Variants in KIF27 observed in about 807,000 individuals in gnomAD.
KIF27 encodes kinesin family member 27.
In KIF27, 84 loss-of-function variants were observed where a neutral mutation model predicts 141.8. The observed-to-expected ratio is 0.59, with a 90% CI of 0.50 to 0.71. The LOEUF (loss-of-function observed/expected upper bound fraction) is 0.71. KIF27 is among the 30% of genes least tolerant of loss of function. KIF27 has a pLI of 0.00. For synonymous variants in KIF27, 471 were observed against 569.5 expected (o/e 0.83, Z 2.46); for missense variants, 1,306 against 1,628.4 (o/e 0.80, Z 3.41).
At chr9:83,916,207 A>G (rs1209710487) in intron 1 of KIF27, among the ~76,000 whole-genome samples, 1 of 151,812 alleles carries the variant, frequency 6.6e-6, no homozygotes, top group African/African-American at 2.4e-5. Flanking sequence ...TAATTTTTGT[A>G]TTTTTAGTAG....
intron 13 of KIF27, among the ~76,000 whole-genome samples, chr9:83,860,862 C>T (rs2780158): frequency 6.6e-6 from 1 of 150,998 alleles, no homozygotes; most frequent in Non-Finnish European, 1.5e-5. Flanking sequence ...TAGTAGTTTC[C>T]CTGGATAGGC....
At position 83,867,760 on chromosome 9, in the gene KIF27, T is replaced by C; in HGVS notation, c.2858A>G (p.Glu953Gly). The C allele has an allele frequency of 6.2e-7, 1 of 1,613,578 alleles. No homozygotes were observed. The highest frequency in any genetic ancestry group is 1.3e-5 in the African/African-American group (1 of 75,016). The stretch of plus-strand genomic sequence containing the variant: ...AGCCTCCTTCTTAGAAACTATGGCC[T>C]CCCGTTTCTTTAAGTCTGCTTCCAG... The part of the protein sequence containing the change: ...EELEADLKKR[E>G]AIVSKKEALL... The change falls in exon 13 of 18, where the codon GAG (glutamate) becomes GGG (glycine). Residue 953 changes from glutamate (E) to glycine (G), a missense_variant. By Grantham distance (98) the Glu-to-Gly change is moderately conservative. Coordinates refer to ENST00000297814, the MANE Select transcript of KIF27 (RefSeq NM_017576.4).
In KIF27 at chr9:83,903,462, C is replaced by T. The variant is rs777838110; in HGVS notation, c.1056G>A (p.Glu352=). The T allele has an allele frequency of 5.0e-6, 8 of 1,614,146 alleles. No homozygotes were observed. In the South Asian group the frequency reaches 6.6e-5, roughly 13 times the overall value. The stretch of plus-strand genomic sequence containing the variant: ...ATTCCATTTCATCTATACGGTCTGA[C>T]TCGGGGCTGAAGTTTACAGTGGGTT... ...RNKPTVNFSP[E]SDRIDEMEFE... is the part of the protein sequence containing the mutation. Residue 352 remains glutamate, a synonymous_variant, in exon 4 of 18, where the codon GAG becomes GAA. Transcript: ENST00000297814.
chr9:83,852,053 G>A (rs295273), intron 15 of KIF27, among the ~76,000 whole-genome samples: 48,573 of 151,466 alleles, frequency 0.32, 8,590 homozygotes, highest in African/African-American at 0.48. Flanking sequence ...GCTTGAACCC[G>A]GGGGGCGGAG....
At position 83,837,401 on chromosome 9, in the gene KIF27, C is replaced by T. The variant is rs771248074; in HGVS notation, c.3806G>A (p.Ser1269Asn). 4.3e-6 allele frequency: 7 copies of T among 1,612,404 alleles called. No individual in the cohort carries two copies. The highest frequency in any genetic ancestry group is 5.9e-6 in the Non-Finnish European group (7 of 1,178,846). The change falls in exon 18 of 18, where the codon AGT (serine) becomes AAT (asparagine). Residue 1269 changes from serine (S) to asparagine (N), a missense_variant. Physicochemically the swap from Ser to Asn is conservative, Grantham distance 46. This residue lies in a region of KIF27 where 148 missense variants were observed against 250.9 expected (regional missense o/e 0.59). Transcript: ENST00000297814. ...EELKWASRPE[S>N]MKLSGREREM... ...TCTTTCTCTTCCACTTAATTTCATA[C>T]TTTCAGGTCTGGATGCCCATTTTAA... is the stretch of plus-strand genomic sequence containing the variant.
intron 14 of KIF27, among the ~76,000 whole-genome samples, chr9:83,854,533 C>T (rs570043774): frequency 1.5e-4 from 23 of 152,222 alleles, no homozygotes; most frequent in Admixed American, 7.2e-4. Context: ...ATCGATGAAT[C>T]CCTGTAGGAA....
At chr9:83,916,958 C>T (rs1052969236) in intron 1 of KIF27, among the ~76,000 whole-genome samples, 2 of 151,690 alleles carry the variant, frequency 1.3e-5, no homozygotes, top group Admixed American at 6.6e-5. Flanking sequence ...CCACCGCGCA[C>T]GACAGAACAC....
chr9:83,898,368 A>G (rs931902930), intron 5 of KIF27, among the ~76,000 whole-genome samples: 25 of 152,372 alleles, frequency 1.6e-4, no homozygotes, highest in African/African-American at 6.0e-4. Context: ...AATAAGCTAT[A>G]CTGAATAAAT....
At chr9:83,850,833 T>TA (rs1948484515) in intron 15 of KIF27, among the ~76,000 whole-genome samples, 1 of 105,546 alleles carries the variant, frequency 9.5e-6, no homozygotes, top group African/African-American at 4.1e-5. Context: ...ACATTTTCTT[T>TA]TTTTTTTTTT....
chr9:83,886,302 C>A (rs1168548706), intron 9 of KIF27, among the ~76,000 whole-genome samples: 1 of 151,926 alleles, frequency 6.6e-6, no homozygotes, highest in Non-Finnish European at 1.5e-5. Context: ...CCTGGTATAC[C>A]CAACGTGGTT....
At chr9:83,838,561 A>G (rs1033655332) in intron 17 of KIF27, among the ~76,000 whole-genome samples, 3 of 152,172 alleles carry the variant, frequency 2.0e-5, no homozygotes, top group Non-Finnish European at 2.9e-5. Context: ...AAGTTTTAAA[A>G]CACAGGTTGC....
intron 1 of KIF27, among the ~76,000 whole-genome samples, chr9:83,917,383 G>C (rs1463207071): frequency 1.3e-5 from 2 of 152,200 alleles, no homozygotes; most frequent in African/African-American, 4.8e-5. Context: ...TAATATGTCA[G>C]TATTCCCCAA....
chr9:83,842,344 T>G lies in KIF27; in HGVS notation c.3614A>C (p.Gln1205Pro), dbSNP rs757343170. 1 of 1,555,522 alleles carries G rather than the reference T, an allele frequency of 6.4e-7. No individual in the cohort carries two copies. Residue 1205 changes from glutamine to proline, a missense_variant, in exon 17 of 18, where the codon CAG (glutamine) becomes CCG (proline). Physicochemically the swap from Gln to Pro is moderately conservative, Grantham distance 76 (BLOSUM62 -1). Transcript: ENST00000297814. ...TFKTYEDKIQQLEKDLYFYKK... is the reference protein window; with the variant it reads ...TFKTYEDKIQPLEKDLYFYKK... ...ATAGAAATAAAGATCTTTTTCCAACTGCTGGATTTTATCTTCATATGTTTT... is the reference window on the plus strand; with the variant it reads ...ATAGAAATAAAGATCTTTTTCCAACGGCTGGATTTTATCTTCATATGTTTT...
intron 2 of KIF27, among the ~76,000 whole-genome samples, chr9:83,914,441 C>T (rs1251333367): frequency 2.6e-5 from 4 of 152,014 alleles, no homozygotes; most frequent in African/African-American, 9.7e-5. Flanking sequence ...TCTGAGCCAC[C>T]TCCCATCCAT....
chr9:83,872,821 G>C (rs1433171913), intron 11 of KIF27, among the ~76,000 whole-genome samples: 10 of 152,274 alleles, frequency 6.6e-5, no homozygotes, highest in Non-Finnish European at 1.3e-4. Flanking sequence ...GATAAGTAAA[G>C]GTATCAATGG....
intron 1 of KIF27, among the ~76,000 whole-genome samples, chr9:83,917,272 GAT>G (rs1193934149): frequency 6.6e-6 from 1 of 151,880 alleles, no homozygotes; most frequent in Non-Finnish European, 1.5e-5. Flanking sequence ...TTTAACAAAA[GAT>G]GTGTAAAACA....
At chr9:83,861,257 G>A (rs993457571) in intron 13 of KIF27, among the ~76,000 whole-genome samples, 24 of 151,772 alleles carry the variant, frequency 1.6e-4, no homozygotes, top group Non-Finnish European at 3.4e-4. Flanking sequence ...GTATACATGG[G>A]CCATGTTGGT....
intron 14 of KIF27, among the ~76,000 whole-genome samples, chr9:83,857,816 T>C (rs1251683800): frequency 2.6e-5 from 4 of 152,164 alleles, no homozygotes; most frequent in Admixed American, 2.6e-4. Context: ...GATCACTTCA[T>C]TGCTTTGAAT....
chr9:83,915,289 C>T lies in KIF27; in HGVS notation c.298+5G>A. The T allele has an allele frequency of 1.3e-6, 2 of 1,582,308 alleles. No individual in the cohort carries two copies. Among genetic ancestry groups the T allele is most frequent in the African/African-American group, 2.7e-5 (2 of 73,486 alleles). On this transcript the variant is annotated splice_donor_5th_base_variant and intron_variant, in intron 2 of 17. Coordinates refer to ENST00000297814, the MANE Select transcript of KIF27 (RefSeq NM_017576.4). The stretch of plus-strand genomic sequence containing the variant: ...AATAAAAGTCAAAGAGTATAAGAAT[C>T]TTACCAATATGGCCCCCTCCAATGG...
Sources: allele counts gnomAD v4.1 joint callset (sites outside exome capture counted in the v4.1 genomes callset), GRCh38; gene constraint gnomAD v4.1.1; regional missense constraint gnomAD v4.1.1; transcripts MANE v1.5; gene names NCBI Gene and HGNC (gene_info 2026-07-23, HGNC 2026-07-21).